Variants in NDE1 observed in about 807,000 individuals in gnomAD.
NDE1 encodes nuclear distribution protein nudE homolog 1.
NDE1 carries 28 observed loss-of-function variants against 43.4 expected under a neutral mutation model. The observed-to-expected ratio is 0.65, with a 90% confidence interval of 0.48 to 0.89. The LOEUF (loss-of-function observed/expected upper bound fraction) is 0.89, where lower values mean the gene tolerates loss of function less well. Among genes scored for constraint, NDE1 ranks in the 40% least tolerant of loss-of-function variants. The probability of loss-of-function intolerance (pLI) is 0.00; values close to 1 mark genes in which losing one functional copy is unlikely to be tolerated. For synonymous variants in NDE1, 184 were observed against 172.0 expected, an observed-to-expected ratio of 1.07 and a Z score of -0.55; for missense variants, 441 against 434.1, an observed-to-expected ratio of 1.02 and a Z score of -0.14.
intron 1 of NDE1, among the ~76,000 whole-genome samples, chr16:15,664,120 C>CT (rs200013707): frequency 0.04 from 6,021 of 152,088 alleles, 156 homozygotes; most frequent in Non-Finnish European, 0.065. Flanking sequence ...CCAGCCCCCA[C>CT]TCCCCCACTC....
chr16:15,712,568 C>G (rs189760539), intron 8 of NDE1, among the ~76,000 whole-genome samples: 1 of 152,252 alleles, frequency 6.6e-6, no homozygotes, highest in East Asian at 1.9e-4. Context: ...TGCACTCCAG[C>G]CTGGGCAACA....
At chr16:15,713,541 G>C (rs973235984) in intron 8 of NDE1, 3 of 152,288 alleles carry the variant, frequency 2.0e-5, no homozygotes. Flanking sequence ...TGTCCATCCA[G>C]GGTAAGTGCA....
intron 8 of NDE1, chr16:15,699,695 T>TA (rs2039161472): frequency 1.5e-6 from 2 of 1,340,372 alleles, no homozygotes; most frequent in South Asian, 2.3e-5. Flanking sequence ...TCACAGCTGT[T>TA]ATGTCAGCTT....
chr16:15,687,728 C>A (rs2038512326), intron 5 of NDE1, among the ~76,000 whole-genome samples: 2 of 152,220 alleles, frequency 1.3e-5, no homozygotes, highest in African/African-American at 2.4e-5. Flanking sequence ...CCTGTAAGGG[C>A]CCCTTATGGG....
chr16:15,668,969 G>A lies in NDE1; in HGVS notation c.237+1530G>A, dbSNP rs189049647. On this transcript the variant is annotated intron_variant, in intron 3 of 8. Transcript: ENST00000396354. Reference sequence around the variant, plus strand: ...GGCTGGAGTGCAGTAGCGCGATCTCGGCTCACTGCAAGCTCCGCCTCCCAG... The same window carrying A: ...GGCTGGAGTGCAGTAGCGCGATCTCAGCTCACTGCAAGCTCCGCCTCCCAG... 4.9e-3 allele frequency among the ~76,000 whole-genome samples: 719 copies of A among 146,472 alleles called. 7 individuals are homozygous for A. The highest frequency in any genetic ancestry group is 7.2e-3 in the South Asian group (32 of 4,454).
chr16:15,643,402 CT>C (rs373853748), exon 1 of NDE1: 25 of 482,946 alleles, frequency 5.2e-5, no homozygotes, highest in African/African-American at 3.7e-4. Flanking sequence ...GGCCTTCCCC[CT>C]GGCTTCACGT....
chr16:15,659,386 T>TAAGTTCTCTTG (rs1361584994), intron 1 of NDE1, among the ~76,000 whole-genome samples: 4 of 149,796 alleles, frequency 2.7e-5, no homozygotes, highest in African/African-American at 9.8e-5. Context: ...CACCAGCCTC[T>TAAGTTCTCTTG]AAGTTCTCTT....
intron 4 of NDE1, among the ~76,000 whole-genome samples, chr16:15,678,968 C>A (rs1382673977): frequency 1.3e-5 from 2 of 151,776 alleles, no homozygotes; most frequent in African/African-American, 4.8e-5. Flanking sequence ...CCCAGCTAGT[C>A]GGGAGGCTGA....
intron 8 of NDE1, among the ~76,000 whole-genome samples, chr16:15,710,161 C>T (rs1298484911): frequency 6.6e-6 from 1 of 152,128 alleles, no homozygotes; most frequent in Admixed American, 6.6e-5. Context: ...CCACTTTGCC[C>T]TTGGCTGCCC....
intron 7 of NDE1, chr16:15,695,875 C>A: frequency 1.9e-5 from 4 of 205,260 alleles, no homozygotes; most frequent in South Asian, 1.7e-4. Flanking sequence ...GTAGCCAGAC[C>A]AAGTCCTTAC....
intron 8 of NDE1, among the ~76,000 whole-genome samples, chr16:15,698,704 T>C (rs932209405): frequency 2.0e-5 from 3 of 151,572 alleles, no homozygotes; most frequent in Non-Finnish European, 2.9e-5. Context: ...ATACTAAAAA[T>C]ACGAAAATTA....
chr16:15,719,277 T>C, intron 8 of NDE1: 1 of 1,612,878 alleles, frequency 6.2e-7, no homozygotes, highest in Non-Finnish European at 8.5e-7. Flanking sequence ...GAGGTCCGCT[T>C]GTTTGCGAGC....
At chr16:15,722,667 C>T (rs1226905207) in intron 8 of NDE1, among the ~76,000 whole-genome samples, 1 of 152,198 alleles carries the variant, frequency 6.6e-6, no homozygotes, top group Non-Finnish European at 1.5e-5. Context: ...ATCTAGAATC[C>T]TGACACTAGG....
chr16:15,695,395 C>G (rs2038964443), intron 7 of NDE1: 1 of 641,896 alleles, frequency 1.6e-6, no homozygotes. Flanking sequence ...GCGATCCCAG[C>G]TACTTGAGAG....
chr16:15,696,343 T>C (rs1216814924), intron 7 of NDE1, among the ~76,000 whole-genome samples: 1 of 151,452 alleles, frequency 6.6e-6, no homozygotes, highest in Non-Finnish European at 1.5e-5. Flanking sequence ...ACCAGTGCAC[T>C]CCAGCCTGGG....
intron 8 of NDE1, among the ~76,000 whole-genome samples, chr16:15,707,415 T>A (rs1244790204): frequency 1.3e-5 from 2 of 152,172 alleles, no homozygotes; most frequent in Non-Finnish European, 2.9e-5. Flanking sequence ...TTGCAAGGAC[T>A]CAGTTTCCCA....
chr16:15,659,748 CTTTTT>C (rs36112475), intron 1 of NDE1, among the ~76,000 whole-genome samples: 1 of 98,980 alleles, frequency 1.0e-5, no homozygotes. Context: ...TGGACACAAT[CTTTTT>C]TTTTTTTTTT....
At chr16:15,666,694 T>G (rs1014655979) in intron 2 of NDE1, among the ~76,000 whole-genome samples, 1 of 152,168 alleles carries the variant, frequency 6.6e-6, no homozygotes. Context: ...AAGTGTGACC[T>G]ATCTCACTGC....
intron 8 of NDE1, chr16:15,721,521 TTCAAGGGCCCGAGCCAGGG>T: frequency 1.9e-6 from 3 of 1,614,226 alleles, no homozygotes; most frequent in Non-Finnish European, 2.5e-6. Context: ...CCAAGGCCTC[TTCAAGGGCCCGAGCCAGGG>T]ACAGGGCCTT....
Sources: gnomAD v4.1 joint callset for allele counts (sites outside exome capture counted in the v4.1 genomes callset) on GRCh38, gnomAD v4.1.1 for gene constraint, MANE v1.5 for transcripts, NCBI Gene and HGNC (gene_info 2026-07-23, HGNC 2026-07-21) for gene names.